Variants in AUTS2 observed in about 807,000 individuals in gnomAD.
AUTS2 encodes the protein activator of transcription and developmental regulator AUTS2, also known as autism susceptibility gene 2 protein.
A neutral mutation model predicts 112.4 loss-of-function variants in AUTS2; 17 were observed. The ratio of observed to expected loss-of-function variants is 0.15; its 90% confidence interval spans 0.10 to 0.23. AUTS2 has a LOEUF of 0.23. AUTS2 is among the 10% of genes least tolerant of loss of function. The probability of loss-of-function intolerance (pLI) is 1.00; values close to 1 mark genes in which losing one functional copy is unlikely to be tolerated. For missense variants in AUTS2, 1,510 were observed against 1,701.6 expected (o/e 0.89, Z 1.98); for synonymous variants, 751 against 702.7 (o/e 1.07, Z -1.09).
At chr7:70,470,183 C>T (rs954934533) in intron 5 of AUTS2, among the ~76,000 whole-genome samples, 2 of 152,204 alleles carry the variant, frequency 1.3e-5, no homozygotes, top group African/African-American at 4.8e-5. Flanking sequence ...CCCTCCCTCC[C>T]CTGCCCAATC....
chr7:70,665,134 CATCATATTCAAACTAA>C (rs755226955), intron 5 of AUTS2, among the ~76,000 whole-genome samples: 1 of 152,138 alleles, frequency 6.6e-6, no homozygotes, highest in Non-Finnish European at 1.5e-5. Context: ...ACAACAATTT[CATCATATTCAAACTAA>C]TACAAAACTG....
chr7:70,584,376 A>T (rs902029043), intron 5 of AUTS2, among the ~76,000 whole-genome samples: 1 of 152,200 alleles, frequency 6.6e-6, no homozygotes, highest in African/African-American at 2.4e-5. Context: ...CTTGTTTCCC[A>T]CTGAGGTCTC....
chr7:70,057,901 G>A (rs1802065121), intron 2 of AUTS2, among the ~76,000 whole-genome samples: 1 of 152,132 alleles, frequency 6.6e-6, no homozygotes, highest in African/African-American at 2.4e-5. Flanking sequence ...AGTTTCCCCA[G>A]TGTTTAGGAA....
intron 4 of AUTS2, among the ~76,000 whole-genome samples, chr7:70,420,832 C>A (rs1562947976): frequency 2.6e-5 from 4 of 152,188 alleles, no homozygotes; most frequent in Non-Finnish European, 4.4e-5. Context: ...GGTTCACTGT[C>A]TTGATCGTGG....
intron 2 of AUTS2, among the ~76,000 whole-genome samples, chr7:69,967,585 A>AT (rs1280860476): frequency 4.6e-5 from 7 of 151,924 alleles, no homozygotes; most frequent in African/African-American, 9.7e-5. Context: ...GATTTTTCCT[A>AT]TTTTTTCCAC....
chr7:69,617,553 G>A (rs1793445083), intron 1 of AUTS2, among the ~76,000 whole-genome samples: 1 of 151,996 alleles, frequency 6.6e-6, no homozygotes, highest in African/African-American at 2.4e-5. Flanking sequence ...AGTGGGGAGG[G>A]GCCTGCAGTC....
intron 1 of AUTS2, among the ~76,000 whole-genome samples, chr7:69,627,659 A>G: frequency 6.6e-6 from 1 of 152,038 alleles, no homozygotes; most frequent in East Asian, 1.9e-4. Context: ...CATCCTGTGG[A>G]TTAAGAGTAG....
At chr7:70,320,469 T>A (rs2129617711) in intron 4 of AUTS2, among the ~76,000 whole-genome samples, 1 of 152,326 alleles carries the variant, frequency 6.6e-6, no homozygotes, top group Non-Finnish European at 1.5e-5. Context: ...ATCATGGCAT[T>A]TATGGAGATC....
chr7:70,371,032 G>A (rs1292083570), intron 4 of AUTS2, among the ~76,000 whole-genome samples: 1 of 152,158 alleles, frequency 6.6e-6, no homozygotes. Context: ...ATTTCAAGCA[G>A]TTAAAGGCTA....
At chr7:70,393,186 T>C (rs1487111419) in intron 4 of AUTS2, among the ~76,000 whole-genome samples, 1 of 152,194 alleles carries the variant, frequency 6.6e-6, no homozygotes, top group African/African-American at 2.4e-5. Context: ...GTATCTCACC[T>C]CCTCGGGAGA....
At chr7:70,240,901 G>A (rs1258601620) in intron 4 of AUTS2, among the ~76,000 whole-genome samples, 1 of 152,112 alleles carries the variant, frequency 6.6e-6, no homozygotes, top group African/African-American at 2.4e-5. Flanking sequence ...TTAGAAGAAA[G>A]CAACTCCAGG....
At chr7:70,430,945 C>T (rs1795637043) in intron 4 of AUTS2, among the ~76,000 whole-genome samples, 1 of 150,242 alleles carries the variant, frequency 6.7e-6, no homozygotes, top group African/African-American at 2.4e-5. Context: ...GCGCCATTCT[C>T]CTGCCTCAGC....
intron 4 of AUTS2, among the ~76,000 whole-genome samples, chr7:70,314,251 T>C (rs1789893263): frequency 6.6e-6 from 1 of 152,176 alleles, no homozygotes; most frequent in African/African-American, 2.4e-5. Flanking sequence ...TACATACTAA[T>C]AAAAACTACA....
Position 70,785,946 on chromosome 7 carries a change from T to G in AUTS2, c.2225-9T>G. On this transcript the variant is annotated splice_polypyrimidine_tract_variant and intron_variant, in intron 16 of 18. Coordinates refer to ENST00000342771, the MANE Select transcript of AUTS2 (RefSeq NM_015570.4). Reference sequence around the variant, plus strand: ...CTGACCATTTCCTTCTTCCCCATCTTGTTTGCAGAGCCTTTTAATCGGCCG... The same window carrying G: ...CTGACCATTTCCTTCTTCCCCATCTGGTTTGCAGAGCCTTTTAATCGGCCG... 6.2e-7 allele frequency: 1 copy of G among 1,613,638 alleles called. No homozygotes were observed. Among genetic ancestry groups the G allele is most frequent in the Non-Finnish European group, 8.5e-7 (1 of 1,179,826 alleles).
At chr7:70,227,762 T>C (rs1467610787) in intron 4 of AUTS2, among the ~76,000 whole-genome samples, 1 of 152,142 alleles carries the variant, frequency 6.6e-6, no homozygotes, top group African/African-American at 2.4e-5. Flanking sequence ...ATTTTCTTGT[T>C]GTTTGTTTCT....
intron 2 of AUTS2, among the ~76,000 whole-genome samples, chr7:70,023,486 A>C: frequency 6.6e-6 from 1 of 152,140 alleles, no homozygotes; most frequent in East Asian, 1.9e-4. Flanking sequence ...CAGGCATTGG[A>C]GTCTGTCTCC....
intron 4 of AUTS2, among the ~76,000 whole-genome samples, chr7:70,304,642 T>C (rs984951382): frequency 6.6e-6 from 1 of 152,084 alleles, no homozygotes; most frequent in Non-Finnish European, 1.5e-5. Flanking sequence ...GCAGGGCTGG[T>C]TCCCTTTTAA....
At chr7:70,369,699 A>C (rs1438840198) in intron 4 of AUTS2, among the ~76,000 whole-genome samples, 2 of 152,186 alleles carry the variant, frequency 1.3e-5, no homozygotes, top group African/African-American at 4.8e-5. Context: ...GGAAAGCAGG[A>C]ATTAGTTGTT....
At chr7:69,779,463 T>TA (rs1789048661) in intron 1 of AUTS2, among the ~76,000 whole-genome samples, 1 of 151,700 alleles carries the variant, frequency 6.6e-6, no homozygotes, top group Non-Finnish European at 1.5e-5. Context: ...GAGTATAACT[T>TA]AAAAAATATA....
Sources: allele counts gnomAD v4.1 joint callset (sites outside exome capture counted in the v4.1 genomes callset), GRCh38; gene constraint gnomAD v4.1.1; transcripts MANE v1.5; gene names NCBI Gene and HGNC (gene_info 2026-07-23, HGNC 2026-07-21).